GABRG3: variants seen among roughly 807,000 people sequenced by gnomAD.
GABRG3 encodes the protein gamma-aminobutyric acid type A receptor subunit gamma3.
GABRG3 carries 25 observed loss-of-function variants against 48.8 expected under a neutral mutation model. The observed-to-expected ratio is 0.51, with a 90% CI of 0.37 to 0.72. The LOEUF is 0.72. Ranked by LOEUF, GABRG3 falls within the 30% of genes least tolerant of loss-of-function variation. The pLI, the probability that GABRG3 is intolerant of heterozygous loss-of-function variation, is 0.00. For synonymous variants in GABRG3, 227 were observed against 217.6 expected, an observed-to-expected ratio of 1.04 and a Z score of -0.38; for missense variants, 394 against 577.9, an observed-to-expected ratio of 0.68 and a Z score of 3.26.
At chr15:27,045,855 A>G (rs896901085) in intron 3 of GABRG3, among the ~76,000 whole-genome samples, 6 of 152,154 alleles carry the variant, frequency 3.9e-5, no homozygotes, top group Non-Finnish European at 7.3e-5. Flanking sequence ...ACCTGTCTTC[A>G]CTTTGCAGCA....
intron 3 of GABRG3, among the ~76,000 whole-genome samples, chr15:27,104,184 G>C (rs527951158): frequency 1.8e-4 from 28 of 152,320 alleles, no homozygotes; most frequent in Admixed American, 1.8e-3. Flanking sequence ...ATTAGCTTCT[G>C]TTTTTAGGAT....
intron 3 of GABRG3, among the ~76,000 whole-genome samples, chr15:27,241,460 T>A (rs977545112): frequency 2.0e-5 from 3 of 152,070 alleles, no homozygotes; most frequent in Non-Finnish European, 4.4e-5. Flanking sequence ...GGTAAAAGAG[T>A]GTGACTCCTT....
intron 3 of GABRG3, among the ~76,000 whole-genome samples, chr15:27,308,679 T>TTA (rs1178605873): frequency 6.7e-6 from 1 of 149,676 alleles, no homozygotes; most frequent in Non-Finnish European, 1.5e-5. Flanking sequence ...AAACATACGC[T>TTA]TATGTATAAA....
intron 5 of GABRG3, among the ~76,000 whole-genome samples, chr15:27,454,587 G>A (rs944379665): frequency 6.6e-6 from 1 of 152,158 alleles, no homozygotes; most frequent in East Asian, 1.9e-4. Context: ...CAGTGCTGCT[G>A]ATGTAATGCC....
chr15:27,293,876 C>T (rs150759073), intron 3 of GABRG3, among the ~76,000 whole-genome samples: 1 of 152,104 alleles, frequency 6.6e-6, no homozygotes, highest in African/African-American at 2.4e-5. Context: ...ACAGGAATCC[C>T]TATGTCCAGG....
At chr15:27,018,769 C>A (rs1352707607) in intron 2 of GABRG3, among the ~76,000 whole-genome samples, 1 of 152,120 alleles carries the variant, frequency 6.6e-6, no homozygotes, top group East Asian at 1.9e-4. Flanking sequence ...AACATTTTTG[C>A]ATGGACTCAG....
chr15:27,188,094 A>G (rs1888160302), intron 3 of GABRG3, among the ~76,000 whole-genome samples: 1 of 152,094 alleles, frequency 6.6e-6, no homozygotes, highest in Non-Finnish European at 1.5e-5. Context: ...TCCATGGTGT[A>G]TATGTGCCAC....
chr15:27,127,694 T>C (rs371241059), intron 3 of GABRG3, among the ~76,000 whole-genome samples: 13 of 152,228 alleles, frequency 8.5e-5, no homozygotes, highest in Admixed American at 5.9e-4. Context: ...GACCGCATTA[T>C]TCCCTTTTTC....
intron 3 of GABRG3, among the ~76,000 whole-genome samples, chr15:27,220,145 G>A (rs1889404248): frequency 6.6e-6 from 1 of 152,018 alleles, no homozygotes; most frequent in Non-Finnish European, 1.5e-5. Context: ...TTAAAGGCAG[G>A]GTACATTTCA....
At chr15:27,420,356 C>A (rs1018814372) in intron 5 of GABRG3, among the ~76,000 whole-genome samples, 1 of 152,140 alleles carries the variant, frequency 6.6e-6, no homozygotes, top group African/African-American at 2.4e-5. Flanking sequence ...TGTATGATCT[C>A]ATTTATAAGT....
chr15:27,147,480 C>A (rs1595551505), intron 3 of GABRG3, among the ~76,000 whole-genome samples: 1 of 152,050 alleles, frequency 6.6e-6, no homozygotes, highest in African/African-American at 2.4e-5. Context: ...GACATCTGTA[C>A]AACCCAATGA....
At chr15:27,096,560 C>G (rs1305789520) in intron 3 of GABRG3, among the ~76,000 whole-genome samples, 16 of 152,242 alleles carry the variant, frequency 1.1e-4, no homozygotes. Context: ...CATTTTCCTT[C>G]TCATTGTCAG....
intron 3 of GABRG3, among the ~76,000 whole-genome samples, chr15:27,052,296 G>A (rs962754571): frequency 6.6e-6 from 1 of 152,182 alleles, no homozygotes; most frequent in African/African-American, 2.4e-5. Flanking sequence ...CCTTGGGGGG[G>A]TGCTGTCACT....
intron 3 of GABRG3, among the ~76,000 whole-genome samples, chr15:27,119,025 T>C (rs1897688163): frequency 6.6e-6 from 1 of 152,160 alleles, no homozygotes; most frequent in Non-Finnish European, 1.5e-5. Context: ...GGCCATAAAA[T>C]AATTGTCTAA....
intron 3 of GABRG3, among the ~76,000 whole-genome samples, chr15:27,276,508 G>A (rs1216354487): frequency 1.3e-5 from 2 of 152,116 alleles, no homozygotes; most frequent in African/African-American, 4.8e-5. Flanking sequence ...ATGCTGCCAA[G>A]CACCCAGAAC....
intron 3 of GABRG3, among the ~76,000 whole-genome samples, chr15:27,278,659 T>C (rs1891335408): frequency 6.6e-6 from 1 of 152,208 alleles, no homozygotes; most frequent in Non-Finnish European, 1.5e-5. Flanking sequence ...GAGTATTGCC[T>C]GGTATGCATG....
chr15:27,512,233 T>A (rs1452034036), intron 6 of GABRG3, among the ~76,000 whole-genome samples: 1 of 152,200 alleles, frequency 6.6e-6, no homozygotes, highest in Non-Finnish European at 1.5e-5. Flanking sequence ...AATATTATAT[T>A]GTATTATTAT....
chr15:27,242,244 G>A (rs1203068193), intron 3 of GABRG3, among the ~76,000 whole-genome samples: 1 of 152,190 alleles, frequency 6.6e-6, no homozygotes, highest in Non-Finnish European at 1.5e-5. Flanking sequence ...AGAGGTGGCT[G>A]GGAGATTCTG....
chr15:27,538,813 A>G lies in GABRG3; in HGVS notation c.*5932A>G, dbSNP rs1891604573. ...AGGGGCTTAGACTCCGATTTCTCCC[A>G]GTTGCCTCACTTACTGAAGTTCGAT... On this transcript the variant is annotated 3_prime_UTR_variant, in exon 10 of 10. Transcript: ENST00000615808. 1.3e-5 allele frequency: 2 copies of G among 152,198 alleles called. No homozygotes were observed. The highest frequency in any genetic ancestry group is 4.1e-4 in the South Asian group (2 of 4,836). The allele number at this position is 152,198 out of a possible 1,614,324, so 9.4% of individuals were successfully genotyped here. A position where few individuals can be genotyped will look rare whatever the true frequency, so the allele number is the denominator to read the frequency against.
Sources: allele counts gnomAD v4.1 joint callset (sites outside exome capture counted in the v4.1 genomes callset), GRCh38; gene constraint gnomAD v4.1.1; transcripts MANE v1.5; gene names NCBI Gene and HGNC (gene_info 2026-07-23, HGNC 2026-07-21).